Variants in KIF16B observed in about 807,000 individuals in gnomAD.
KIF16B encodes kinesin-like protein KIF16B.
In KIF16B, 98 loss-of-function variants were observed where a neutral mutation model predicts 156.3. The ratio of observed to expected loss-of-function variants is 0.63; its 90% CI spans 0.53 to 0.74. KIF16B has a LOEUF of 0.74. Among genes scored for constraint, KIF16B ranks in the 30% least tolerant of loss-of-function variants. The probability of loss-of-function intolerance (pLI) is 0.00; values close to 1 mark genes in which losing one functional copy is unlikely to be tolerated. For missense variants in KIF16B, 1,421 were observed against 1,606.5 expected, an observed-to-expected ratio of 0.88 and a Z score of 1.97; for synonymous variants, 564 against 583.7, an observed-to-expected ratio of 0.97 and a Z score of 0.49.
intron 17 of KIF16B, among the ~76,000 whole-genome samples, chr20:16,400,262 A>G (rs532228097): frequency 1.4e-4 from 22 of 152,282 alleles, no homozygotes; most frequent in Non-Finnish European, 2.2e-4. Context: ...AACAATGGAC[A>G]CTCTTGAGAA....
chr20:16,573,268 G>C lies in KIF16B; in HGVS notation c.8C>G (p.Ser3Trp). The C allele has an allele frequency of 6.2e-7, 1 of 1,609,292 alleles. No homozygotes were observed. Among genetic ancestry groups the C allele is most frequent in the East Asian group, 2.2e-5 (1 of 44,696 alleles). Reference protein sequence around the residue: MASVKVAVRVRPM... With the variant: MAWVKVAVRVRPM... ...CCGGACCCTCACGGCCACCTTGACCGATGCCATCGCTCATCCCGAACCAGC... is the reference window on the plus strand; with the variant it reads ...CCGGACCCTCACGGCCACCTTGACCCATGCCATCGCTCATCCCGAACCAGC... Residue 3 changes from serine (S) to tryptophan (W), a missense_variant, in exon 1 of 26, where the codon TCG becomes TGG. Coordinates refer to ENST00000354981, the MANE Select transcript of KIF16B (RefSeq NM_024704.5).
intron 12 of KIF16B, among the ~76,000 whole-genome samples, chr20:16,435,725 C>G (rs962299191): frequency 9.9e-5 from 15 of 152,128 alleles, no homozygotes; most frequent in Non-Finnish European, 2.1e-4. Context: ...CTATCTTGAT[C>G]ATTCCATTTG....
chr20:16,360,689 C>A (rs997673422), intron 22 of KIF16B, among the ~76,000 whole-genome samples: 1 of 152,120 alleles, frequency 6.6e-6, no homozygotes, highest in African/African-American at 2.4e-5. Flanking sequence ...TTTCTGATAG[C>A]TTTTAATGAA....
In KIF16B at chr20:16,539,277, A is replaced by C. The variant is rs564087069; in HGVS notation, c.48-10837T>G. ...AGGAAAAGTTCGGAATTTCCTAGAG[A>C]CTGGTTAAATAGTTGTGACCAAAAT... On this transcript the variant is annotated intron_variant, in intron 1 of 25. Transcript: ENST00000354981. Among the ~76,000 whole-genome samples the C allele has an allele frequency of 1.1e-4, 16 of 152,270 alleles. No homozygotes were observed. The South Asian group carries it at 2.7e-3, about 26-fold the overall frequency.
chr20:16,541,984 G>T (rs1421770325), intron 1 of KIF16B, among the ~76,000 whole-genome samples: 2 of 152,212 alleles, frequency 1.3e-5, no homozygotes, highest in African/African-American at 4.8e-5. Flanking sequence ...CAAAGACAGA[G>T]GATCTGGGTG....
intron 20 of KIF16B, among the ~76,000 whole-genome samples, chr20:16,372,155 G>A (rs897623077): frequency 7.9e-5 from 12 of 152,018 alleles, no homozygotes; most frequent in African/African-American, 2.4e-4. Context: ...ATACAGAAAA[G>A]GATAATACAG....
At chr20:16,277,562 CA>C (rs1195213870) in intron 25 of KIF16B, among the ~76,000 whole-genome samples, 4 of 151,724 alleles carry the variant, frequency 2.6e-5, no homozygotes, top group African/African-American at 9.7e-5. Flanking sequence ...ATGTTTTCCA[CA>C]GCATCTGTGG....
Position 16,273,055 on chromosome 20 carries a change from C to T in KIF16B, c.*198G>A, listed in dbSNP as rs1017613834. The T allele has an allele frequency of 7.1e-5, 41 of 578,816 alleles. No homozygotes were observed. The African/African-American group carries it at 7.3e-4, about 10-fold the overall frequency. The allele number at this position is 578,816 out of a possible 1,614,324, so 35.9% of individuals were successfully genotyped here. A position where few individuals can be genotyped will look rare whatever the true frequency, so the allele number is the denominator to read the frequency against. ...AACGGTAACGGCTGCCTGTCAGGGC[C>T]ACATCAGCAGGCAGAGCATCCCATC... is the stretch of plus-strand genomic sequence containing the variant. On this transcript the variant is annotated 3_prime_UTR_variant, in exon 26 of 26. Transcript: ENST00000354981.
chr20:16,370,487 T>C, intron 22 of KIF16B, 99 bp downstream of exon 22: 1 of 980,578 alleles, frequency 1.0e-6, no homozygotes, highest in Non-Finnish European at 1.5e-6. Context: ...TGCCGGGACC[T>C]CAAAATTCTA....
chr20:16,510,191 A>G (rs932003932), intron 6 of KIF16B, among the ~76,000 whole-genome samples: 6 of 152,196 alleles, frequency 3.9e-5, no homozygotes, highest in African/African-American at 1.4e-4. Flanking sequence ...CACCAGTTTT[A>G]TATGTTTTAA....
intron 23 of KIF16B, among the ~76,000 whole-genome samples, chr20:16,349,706 G>A (rs1031871373): frequency 6.6e-6 from 1 of 152,204 alleles, no homozygotes; most frequent in African/African-American, 2.4e-5. Flanking sequence ...TCAGTCCCTG[G>A]CCCCACGGTG....
At chr20:16,463,347 T>C (rs2067400316) in intron 12 of KIF16B, among the ~76,000 whole-genome samples, 1 of 152,198 alleles carries the variant, frequency 6.6e-6, no homozygotes, top group African/African-American at 2.4e-5. Context: ...TTTCCTTATT[T>C]CAAGATGGCA....
At chr20:16,468,647 A>T (rs370885103) in intron 12 of KIF16B, among the ~76,000 whole-genome samples, 24 of 152,080 alleles carry the variant, frequency 1.6e-4, no homozygotes, top group African/African-American at 5.8e-4. Flanking sequence ...AACTACAAAC[A>T]TTAATGTGTA....
intron 12 of KIF16B, among the ~76,000 whole-genome samples, chr20:16,485,902 CAT>C (rs2068100809): frequency 1.3e-5 from 2 of 151,778 alleles, no homozygotes; most frequent in South Asian, 2.1e-4. Flanking sequence ...CATATATATA[CAT>C]ATATATGTGT....
rs573547203 is a variant in KIF16B at position 16,495,097 on chromosome 20, T to C, written c.1243-747A>G. On this transcript the variant is annotated intron_variant, in intron 11 of 25. Coordinates refer to ENST00000354981, the MANE Select transcript of KIF16B (RefSeq NM_024704.5). ...AGTGATATTTGAGAGGTAGAAAAAATATGAATGAAAAATGCGTTCTGTGGA... is the reference window on the plus strand; with the variant it reads ...AGTGATATTTGAGAGGTAGAAAAAACATGAATGAAAAATGCGTTCTGTGGA... Among the ~76,000 whole-genome samples, 10 of 152,224 alleles carry C rather than the reference T, an allele frequency of 6.6e-5. No homozygotes were observed. The South Asian group carries it at 2.1e-3, about 32-fold the overall frequency.
chr20:16,416,797 G>A (rs1163004589), intron 15 of KIF16B, among the ~76,000 whole-genome samples: 6 of 151,900 alleles, frequency 3.9e-5, no homozygotes, highest in Non-Finnish European at 8.8e-5. Context: ...AACTAACAGT[G>A]AATTTACCAT....
chr20:16,494,496 C>G, intron 11 of KIF16B, 146 bp from the exon 12 acceptor site: 1 of 566,950 alleles, frequency 1.8e-6, no homozygotes, highest in East Asian at 3.1e-5. Context: ...GAACCATCAC[C>G]AAAGATAAAT....
chr20:16,300,212 T>G (rs2063451995), intron 25 of KIF16B, among the ~76,000 whole-genome samples: 1 of 152,206 alleles, frequency 6.6e-6, no homozygotes, highest in Non-Finnish European at 1.5e-5. Context: ...AGACAGACGT[T>G]GAACTTGAGT....
chr20:16,501,289 CAAG>C, intron 10 of KIF16B, among the ~76,000 whole-genome samples: 1 of 87,740 alleles, frequency 1.1e-5, no homozygotes, highest in South Asian at 3.8e-4. Flanking sequence ...GGTTCAATAC[CAAG>C]AATTGAATTC....
Sources: allele counts gnomAD v4.1 joint callset (sites outside exome capture counted in the v4.1 genomes callset), GRCh38; gene constraint gnomAD v4.1.1; transcripts MANE v1.5; gene names NCBI Gene and HGNC (gene_info 2026-07-23, HGNC 2026-07-21).